The following FSIP2 variants were observed in gnomAD, a reference collection of about 807,000 sequenced individuals.
FSIP2 encodes the protein fibrous sheath-interacting protein 2.
FSIP2 carries 367 observed loss-of-function variants against 510.5 expected under a neutral mutation model. The ratio of observed to expected loss-of-function variants is 0.72; its 90% confidence interval spans 0.66 to 0.78. FSIP2 has a LOEUF of 0.78. FSIP2 is among the 30% of genes least tolerant of loss of function. FSIP2 has a pLI of 0.00. For synonymous variants in FSIP2, 2,601 were observed against 2,732.2 expected, an observed-to-expected ratio of 0.95 and a Z score of 1.50; for missense variants, 7,594 against 7,901.7, an observed-to-expected ratio of 0.96 and a Z score of 1.48.
At chr2:185,749,307 G>A (rs1417215018) in intron 7 of FSIP2, among the ~76,000 whole-genome samples, 1 of 151,720 alleles carries the variant, frequency 6.6e-6, no homozygotes, top group Non-Finnish European at 1.5e-5. Flanking sequence ...ATTTATGTAG[G>A]TCTTCTTAAT....
intron 13 of FSIP2, among the ~76,000 whole-genome samples, chr2:185,769,085 C>CA (rs1172824955): frequency 2.6e-5 from 4 of 152,132 alleles, no homozygotes; most frequent in Non-Finnish European, 4.4e-5. Context: ...TAATGTGCTG[C>CA]AATGAACATA....
chr2:185,742,006 T>A (rs575003539), intron 2 of FSIP2, among the ~76,000 whole-genome samples: 5 of 152,214 alleles, frequency 3.3e-5, no homozygotes, highest in South Asian at 4.2e-4. Flanking sequence ...TTAGTGTTGT[T>A]GTGGTAGTAT....
chr2:185,759,488 TTTATA>T (rs563301050), intron 9 of FSIP2, among the ~76,000 whole-genome samples: 106 of 145,598 alleles, frequency 7.3e-4, no homozygotes, highest in East Asian at 4.1e-3. Flanking sequence ...TTCACATATA[TTTATA>T]TTATATTATT....
At chr2:185,747,732 A>G (rs1692061664) in intron 7 of FSIP2, among the ~76,000 whole-genome samples, 1 of 151,858 alleles carries the variant, frequency 6.6e-6, no homozygotes, top group African/African-American at 2.4e-5. Flanking sequence ...AGATTTCTCA[A>G]TTTTTCCTCA....
chr2:185,754,310 A>G (rs1692201306), intron 8 of FSIP2, among the ~76,000 whole-genome samples: 1 of 151,538 alleles, frequency 6.6e-6, no homozygotes, highest in Non-Finnish European at 1.5e-5. Context: ...AGCTTCCTTT[A>G]TTTATAACAT....
At chr2:185,751,486 T>TGCGC (rs1553493310) in intron 7 of FSIP2, among the ~76,000 whole-genome samples, 71 of 149,680 alleles carry the variant, frequency 4.7e-4, no homozygotes, top group South Asian at 3.8e-3. Flanking sequence ...TGTGTGTGTG[T>TGCGC]GTGTGTGTGT....
At chr2:185,773,939 A>G (rs1010838) in intron 13 of FSIP2, among the ~76,000 whole-genome samples, 82,785 of 152,030 alleles carry the variant, frequency 0.54, 22,799 homozygotes, top group South Asian at 0.64. Context: ...TAAGGCTTAT[A>G]TGTAAATGCT....
rs1693598895 is a variant in FSIP2, at chr2:185,807,052, G to C, written c.17746G>C (p.Val5916Leu). The C allele has an allele frequency of 8.2e-6, 13 of 1,592,814 alleles. No individual in the cohort carries two copies. The highest frequency in any genetic ancestry group is 2.2e-5 in the East Asian group (1 of 44,762). Residue 5916 changes from valine to leucine, a missense_variant, in exon 17 of 23, where the codon GTT becomes CTT. Transcript: ENST00000424728. The stretch of plus-strand genomic sequence containing the variant: ...AATTGACAAAACATTGGTCAATAAA[G>C]TTGTTCACTCCTCTGTTTGTAATAT... ...PSIDKTLVNK[V>L]VHSSVCNILN...
intron 13 of FSIP2, among the ~76,000 whole-genome samples, chr2:185,775,435 T>C (rs1356915432): frequency 6.6e-6 from 1 of 151,794 alleles, no homozygotes; most frequent in Non-Finnish European, 1.5e-5. Context: ...GGTTGTTTTT[T>C]TCTTGTAAAT....
Position 185,738,894 on chromosome 2 carries a change from C to A in FSIP2, c.-1C>A. ...AAGGGGCTGAGGGGGCTGTGCCGGCCATGGAGCTGTACCTCGGCGCCTGCT... is the reference window on the plus strand; with the variant it reads ...AAGGGGCTGAGGGGGCTGTGCCGGCAATGGAGCTGTACCTCGGCGCCTGCT... On this transcript the variant is annotated 5_prime_UTR_variant, in exon 1 of 23. Transcript: ENST00000424728. The A allele has an allele frequency of 6.5e-7, 1 of 1,535,406 alleles. No individual in the cohort carries two copies. Among genetic ancestry groups the A allele is most frequent in the Non-Finnish European group, 8.7e-7 (1 of 1,146,718 alleles).
At chr2:185,771,979 G>GT (rs1344850006) in intron 13 of FSIP2, among the ~76,000 whole-genome samples, 7 of 152,166 alleles carry the variant, frequency 4.6e-5, no homozygotes, top group Admixed American at 3.3e-4. Context: ...GCCAAATACT[G>GT]TAAGACATCA....
chr2:185,785,817 A>C (rs1692959378), intron 14 of FSIP2, among the ~76,000 whole-genome samples: 1 of 151,988 alleles, frequency 6.6e-6, no homozygotes, highest in Non-Finnish European at 1.5e-5. Context: ...GGACAGTGGA[A>C]CTATGGCATT....
chr2:185,790,279 A>G lies in FSIP2; in HGVS notation c.3143A>G (p.Asn1048Ser). 1 of 1,533,652 alleles carries G rather than the reference A, an allele frequency of 6.5e-7. No individual in the cohort carries two copies. The highest frequency in any genetic ancestry group is 8.7e-7 in the Non-Finnish European group (1 of 1,145,374). The change falls in exon 16 of 23, where the codon AAT (asparagine) becomes AGT (serine). Residue 1048 changes from asparagine (N) to serine (S), a missense_variant. Asn to Ser is a conservative substitution (Grantham distance 46). Transcript: ENST00000424728. ...KGNTCFECKR[N>S]IKPPTKPGSR... is the part of the protein sequence containing the mutation. ...AACACTTGTTTTGAATGCAAAAGAA[A>G]TATCAAACCACCTACAAAGCCTGGT...
chr2:185,759,228 A>C (rs1358006078), intron 9 of FSIP2, among the ~76,000 whole-genome samples: 1 of 150,770 alleles, frequency 6.6e-6, no homozygotes, highest in Non-Finnish European at 1.5e-5. Flanking sequence ...TTGTATCATT[A>C]ATGGGTGTTG....
intron 13 of FSIP2, among the ~76,000 whole-genome samples, chr2:185,780,319 C>T (rs1692818492): frequency 1.3e-5 from 2 of 151,810 alleles, no homozygotes; most frequent in African/African-American, 4.8e-5. Flanking sequence ...TGTCTCATGT[C>T]CTTTAACAAC....
rs1559025054 is a variant in FSIP2 at position 185,789,303 on chromosome 2, A to G, written c.2167A>G (p.Ile723Val). The change falls in exon 16 of 23, where the codon ATT becomes GTT. Residue 723 changes from isoleucine (I) to valine (V), a missense_variant. Ile to Val is a conservative substitution (Grantham distance 29). Transcript: ENST00000424728. ...AATAATGTCTGATTTAACCCAGGCC[A>G]TTCCCTCTCTCTCTTCTGTTACTGC... Reference protein sequence around the residue: ...REIMSDLTQAIPSLSSVTAEV... With the variant: ...REIMSDLTQAVPSLSSVTAEV... 1.3e-6 allele frequency: 2 copies of G among 1,534,526 alleles called. No homozygotes were observed. The highest frequency in any genetic ancestry group is 1.7e-6 in the Non-Finnish European group (2 of 1,145,726).
In FSIP2 at chr2:185,789,375, T is replaced by C. The variant is rs1263084834; in HGVS notation, c.2239T>C (p.Ser747Pro). Residue 747 changes from serine to proline, a missense_variant, in exon 16 of 23, where the codon TCC (serine) becomes CCC (proline). Ser to Pro is a moderately conservative substitution (Grantham distance 74). Coordinates refer to ENST00000424728, the MANE Select transcript of FSIP2 (RefSeq NM_173651.4). The part of the protein sequence containing the change: ...QCEREKEILL[S>P]NAHIPSVASE... Reference sequence around the variant, plus strand: ...TGAACGTGAAAAAGAAATCTTGCTTTCCAATGCTCATATTCCCTCAGTTGC... The same window carrying C: ...TGAACGTGAAAAAGAAATCTTGCTTCCCAATGCTCATATTCCCTCAGTTGC... The C allele has an allele frequency of 1.3e-6, 2 of 1,534,966 alleles. No homozygotes were observed. Among genetic ancestry groups the C allele is most frequent in the Non-Finnish European group, 1.7e-6 (2 of 1,146,028 alleles).
At chr2:185,741,277 T>C (rs1691917156) in intron 2 of FSIP2, among the ~76,000 whole-genome samples, 1 of 104,996 alleles carries the variant, frequency 9.5e-6, no homozygotes, top group Non-Finnish European at 2.1e-5. Context: ...AATTTATTCA[T>C]TTAATGAAAT....
chr2:185,739,080 C>G (rs933778597), intron 1 of FSIP2, 87 bp downstream of exon 1: 372 of 1,423,098 alleles, frequency 2.6e-4, no homozygotes, highest in Non-Finnish European at 3.3e-4. Flanking sequence ...ACACGGGTCG[C>G]GAGGCTCCCA....
Sources: allele counts gnomAD v4.1 joint callset (sites outside exome capture counted in the v4.1 genomes callset), GRCh38; gene constraint gnomAD v4.1.1; transcripts MANE v1.5; gene names NCBI Gene and HGNC (gene_info 2026-07-23, HGNC 2026-07-21).